Variants in RBM20 observed in about 807,000 individuals in gnomAD.
RBM20 encodes RNA-binding protein 20.
In RBM20, 51 loss-of-function variants were observed where a neutral mutation model predicts 110.1. The ratio of observed to expected loss-of-function variants is 0.46; its 90% CI spans 0.37 to 0.59. The LOEUF (loss-of-function observed/expected upper bound fraction) is 0.59. RBM20 is among the 20% of genes least tolerant of loss of function. The pLI, the probability that RBM20 is intolerant of heterozygous loss-of-function variation, is 0.00. For missense variants in RBM20, 1,512 were observed against 1,574.9 expected, an observed-to-expected ratio of 0.96 and a Z score of 0.68; for synonymous variants, 589 against 618.2, an observed-to-expected ratio of 0.95 and a Z score of 0.70.
At chr10:110,720,697 C>T (rs1843494921) in intron 1 of RBM20, among the ~76,000 whole-genome samples, 1 of 150,732 alleles carries the variant, frequency 6.6e-6, no homozygotes, top group African/African-American at 2.5e-5. Flanking sequence ...TCCATCCCAC[C>T]CTGCCCCTGC....
chr10:110,786,451 A>T (rs1411014523), intron 5 of RBM20, among the ~76,000 whole-genome samples: 1 of 152,190 alleles, frequency 6.6e-6, no homozygotes, highest in Non-Finnish European at 1.5e-5. Flanking sequence ...TCATGATGAG[A>T]CGTGAGGCCT....
intron 1 of RBM20, among the ~76,000 whole-genome samples, chr10:110,771,696 G>A (rs139350911): frequency 1.8e-4 from 28 of 152,314 alleles, no homozygotes; most frequent in African/African-American, 6.5e-4. Context: ...AGGCTGCCTG[G>A]AGGAGGTGTC....
At position 110,739,210 on chromosome 10, in the gene RBM20, C is replaced by A. The variant is rs1843702259; in HGVS notation, c.192-41591C>A. ...CTATATGTATGTAACTACTTTAGTA[C>A]AGTTGAGGGCTCTTGAAGTCATGCT... On this transcript the variant is annotated intron_variant, in intron 1 of 13. Coordinates refer to ENST00000369519, the MANE Select transcript of RBM20 (RefSeq NM_001134363.3). The surrounding 1 kb of genome is among the most constrained non-coding windows in gnomAD (Gnocchi z 4.1). 6.6e-6 allele frequency among the ~76,000 whole-genome samples: 1 copy of A among 152,176 alleles called. No homozygotes were observed.
intron 9 of RBM20, among the ~76,000 whole-genome samples, chr10:110,815,850 T>C (rs1255700276): frequency 6.6e-6 from 1 of 152,202 alleles, no homozygotes; most frequent in Non-Finnish European, 1.5e-5. Flanking sequence ...GTTCTGCCTC[T>C]TACAACCCTG....
intron 1 of RBM20, among the ~76,000 whole-genome samples, chr10:110,683,366 G>A (rs1469397157): frequency 3.9e-5 from 6 of 152,234 alleles, no homozygotes; most frequent in Non-Finnish European, 8.8e-5. Flanking sequence ...GTTGCAGTAA[G>A]AGTGTCCGCA....
chr10:110,777,250 T>C (rs745873018), intron 1 of RBM20, among the ~76,000 whole-genome samples: 6 of 152,202 alleles, frequency 3.9e-5, no homozygotes, highest in Non-Finnish European at 7.3e-5. Flanking sequence ...TGCTGAGTGA[T>C]ATAAAAGTGA....
chr10:110,824,217 C>T (rs146554209), intron 12 of RBM20, among the ~76,000 whole-genome samples: 1 of 152,326 alleles, frequency 6.6e-6, no homozygotes, highest in African/African-American at 2.4e-5. Context: ...TTCTTGATGA[C>T]ATGGAGTCTT....
intron 13 of RBM20, among the ~76,000 whole-genome samples, chr10:110,833,880 G>C (rs1590709237): frequency 6.6e-6 from 1 of 152,204 alleles, no homozygotes; most frequent in South Asian, 2.1e-4. Flanking sequence ...TCTGTCAGCG[G>C]CTTTGACAGA....
At chr10:110,654,645 C>A (rs1427887046) in intron 1 of RBM20, among the ~76,000 whole-genome samples, 2 of 151,990 alleles carry the variant, frequency 1.3e-5, no homozygotes, top group African/African-American at 4.8e-5. Flanking sequence ...GCAGTTTGTT[C>A]ATGTTTTTTA....
chr10:110,734,621 T>A lies in RBM20; in HGVS notation c.192-46180T>A, dbSNP rs56084207. Among the ~76,000 whole-genome samples the A allele has an allele frequency of 7.4e-3, 900 of 121,414 alleles. 7 individuals are homozygous for A. The highest frequency in any genetic ancestry group is 0.025 in the African/African-American group (684 of 27,276). The allele number at this position is 121,414 out of a possible 152,430, so 79.7% of individuals were successfully genotyped here. On this transcript the variant is annotated intron_variant, in intron 1 of 13. Transcript: ENST00000369519. ...GGAACCAATATAAAAATTCCCTCTT[T>A]TTTTTTTTTTTTTTTGAGAGTGTCC...
chr10:110,779,642 C>T (rs1221432722), intron 1 of RBM20, among the ~76,000 whole-genome samples: 2 of 152,182 alleles, frequency 1.3e-5, no homozygotes. Flanking sequence ...GAGCCATCAA[C>T]CTGTGGGATC....
rs187288586 is a variant in RBM20, at chr10:110,790,490, C to T, written c.1527+5601C>T. 2.9e-3 allele frequency among the ~76,000 whole-genome samples: 438 copies of T among 152,300 alleles called. 4 individuals are homozygous for T. Among genetic ancestry groups the T allele is most frequent in the Middle Eastern group, 0.01 (3 of 294 alleles). On this transcript the variant is annotated intron_variant, in intron 5 of 13. Coordinates refer to ENST00000369519, the MANE Select transcript of RBM20 (RefSeq NM_001134363.3). Reference sequence around the variant, plus strand: ...GCAGTGTGAACATTGTGTAAACAATCTTAGCAGTAACAGAAATATAAAAGA... The same window carrying T: ...GCAGTGTGAACATTGTGTAAACAATTTTAGCAGTAACAGAAATATAAAAGA...
intron 13 of RBM20, among the ~76,000 whole-genome samples, chr10:110,832,242 G>A (rs367694251): frequency 2.0e-5 from 3 of 152,158 alleles, no homozygotes; most frequent in African/African-American, 7.2e-5. Context: ...GACACCTCCT[G>A]TTTTTACTAC....
At chr10:110,707,148 T>C (rs1699528525) in intron 1 of RBM20, among the ~76,000 whole-genome samples, 1 of 152,234 alleles carries the variant, frequency 6.6e-6, no homozygotes, top group African/African-American at 2.4e-5. Flanking sequence ...AAAATCTATT[T>C]AGTGATGGCT....
In RBM20 at chr10:110,821,286, G is replaced by A. The variant is rs1357160179; in HGVS notation, c.2667G>A (p.Trp889Ter). ...ENTRTKKEQD[W>*]ESESEAEGES... ...GCATTTTTGTACAGGAACAAGATTG[G>A]GAGAGTGAAAGTGAGGCAGAGGGGG... is the stretch of plus-strand genomic sequence containing the variant. The change falls in exon 11 of 14, where the codon TGG becomes TGA. Residue 889 changes from tryptophan (W) to a stop codon, truncating the protein, a stop_gained. Transcript: ENST00000369519. LOFTEE classifies it high-confidence loss of function. The A allele has an allele frequency of 1.9e-6, 3 of 1,551,008 alleles. No homozygotes were observed. Among genetic ancestry groups the A allele is most frequent in the Middle Eastern group, 1.7e-4 (1 of 6,004 alleles).
intron 1 of RBM20, among the ~76,000 whole-genome samples, chr10:110,712,540 G>T (rs1862949505): frequency 6.6e-6 from 1 of 152,204 alleles, no homozygotes; most frequent in Non-Finnish European, 1.5e-5. Context: ...GCCAAGGCGG[G>T]TGGATCACTT....
chr10:110,674,898 A>G lies in RBM20; in HGVS notation c.191+30253A>G, dbSNP rs185397001. Among the ~76,000 whole-genome samples the G allele has an allele frequency of 3.5e-4, 54 of 152,372 alleles. 1 individual carries two copies. In the East Asian group the frequency reaches 6.5e-3, roughly 18 times the overall value. ...ACACACTAGCTCTGTATTATTGCCTATGGAGGACATAGAAATATATCATAT... is the reference window on the plus strand; with the variant it reads ...ACACACTAGCTCTGTATTATTGCCTGTGGAGGACATAGAAATATATCATAT... On this transcript the variant is annotated intron_variant, in intron 1 of 13. Transcript: ENST00000369519.
At chr10:110,736,814 G>T (rs556463104) in intron 1 of RBM20, among the ~76,000 whole-genome samples, 1 of 152,128 alleles carries the variant, frequency 6.6e-6, no homozygotes, top group Non-Finnish European at 1.5e-5. Context: ...CAAGATGGTG[G>T]TATTAAGAGG....
chr10:110,807,016 A>G (rs144388172), intron 7 of RBM20, among the ~76,000 whole-genome samples: 6 of 152,316 alleles, frequency 3.9e-5, no homozygotes, highest in Admixed American at 2.0e-4. Flanking sequence ...ACAATTTGCA[A>G]TTACCACCTA....
Sources: gnomAD v4.1 joint callset for allele counts (sites outside exome capture counted in the v4.1 genomes callset) on GRCh38, gnomAD v4.1.1 for gene constraint, Gnocchi (gnomAD v3.1) non-coding constraint, MANE v1.5 for transcripts, NCBI Gene and HGNC (gene_info 2026-07-23, HGNC 2026-07-21) for gene names.